Variants in YIPF4 observed in about 807,000 individuals in gnomAD.
The protein encoded by YIPF4 is protein YIPF4.
Under a neutral mutation model 29.4 loss-of-function variants are expected in YIPF4, and 18 were observed. That is an observed-to-expected ratio of 0.61 (90% CI 0.42 to 0.91). The LOEUF (loss-of-function observed/expected upper bound fraction) is 0.91. Ranked by LOEUF, YIPF4 falls within the 40% of genes least tolerant of loss-of-function variation. The probability of loss-of-function intolerance (pLI) is 0.00; values close to 1 mark genes in which losing one functional copy is unlikely to be tolerated. For synonymous variants in YIPF4, 115 were observed against 104.7 expected (o/e 1.10, Z -0.60); for missense variants, 279 against 282.7 (o/e 0.99, Z 0.09).
At chr2:32,298,021 T>C (rs2031260881) in intron 3 of YIPF4, among the ~76,000 whole-genome samples, 1 of 152,198 alleles carries the variant, frequency 6.6e-6, no homozygotes, top group African/African-American at 2.4e-5. Flanking sequence ...CTTTAGGCAA[T>C]TGATAATTGC....
At chr2:32,296,587 C>T (rs565697236) in intron 3 of YIPF4, among the ~76,000 whole-genome samples, 14 of 152,110 alleles carry the variant, frequency 9.2e-5, no homozygotes, top group Admixed American at 9.2e-4. Flanking sequence ...GCATTTTTGG[C>T]AAGAATATCA....
Position 32,310,716 on chromosome 2 carries a change from A to G in YIPF4, c.*5090A>G, listed in dbSNP as rs539987369. 6.6e-6 allele frequency: 1 copy of G among 152,076 alleles called. No individual in the cohort carries two copies. Among genetic ancestry groups the G allele is most frequent in the African/African-American group, 2.4e-5 (1 of 41,392 alleles). The allele number at this position is 152,076 out of a possible 1,614,324, so 9.4% of individuals were successfully genotyped here. ...CGACGTAGTGAGACCCCATCTCTAC[A>G]AAAGAAAAATTAGCTGGGCATGTGG... On this transcript the variant is annotated 3_prime_UTR_variant, in exon 6 of 6. Coordinates refer to ENST00000238831, the MANE Select transcript of YIPF4 (RefSeq NM_032312.4).
At chr2:32,289,396 A>G (rs989015951) in intron 1 of YIPF4, among the ~76,000 whole-genome samples, 5 of 152,350 alleles carry the variant, frequency 3.3e-5, no homozygotes, top group African/African-American at 1.2e-4. Context: ...TTTGTACTGT[A>G]TATGAAAAAT....
chr2:32,303,390 C>CA (rs1418249579), intron 5 of YIPF4, among the ~76,000 whole-genome samples: 1 of 152,134 alleles, frequency 6.6e-6, no homozygotes, highest in African/African-American at 2.4e-5. Context: ...ACAGAGTAGG[C>CA]ACTCAAGCTG....
intron 1 of YIPF4, among the ~76,000 whole-genome samples, chr2:32,280,662 G>T (rs1366740849): frequency 6.6e-6 from 1 of 152,012 alleles, no homozygotes; most frequent in Non-Finnish European, 1.5e-5. Flanking sequence ...GATTACAGGC[G>T]TGAGCCACCG....
At position 32,302,094 on chromosome 2, in the gene YIPF4, G is replaced by A. The variant is rs368739648; in HGVS notation, c.597+599G>A. On this transcript the variant is annotated intron_variant, in intron 5 of 5. Coordinates refer to ENST00000238831, the MANE Select transcript of YIPF4 (RefSeq NM_032312.4). The stretch of plus-strand genomic sequence containing the variant: ...CGCCCAGGCTGGAGTGCAGTGGCGT[G>A]ATCTCAGCTCACTGTAACCTCTGCC... Among the ~76,000 whole-genome samples the A allele has an allele frequency of 2.1e-4, 31 of 148,690 alleles. No homozygotes were observed. The East Asian group carries it at 6.2e-3, about 30-fold the overall frequency.
intron 3 of YIPF4, among the ~76,000 whole-genome samples, chr2:32,294,691 G>A (rs1387367659): frequency 3.3e-5 from 5 of 152,168 alleles, no homozygotes; most frequent in African/African-American, 7.2e-5. Flanking sequence ...CTGCATTCTC[G>A]GCACTTTGGG....
chr2:32,298,711 A>T (rs2031285720), intron 4 of YIPF4, among the ~76,000 whole-genome samples: 1 of 151,880 alleles, frequency 6.6e-6, no homozygotes, highest in Non-Finnish European at 1.5e-5. Context: ...GATATGTGCC[A>T]CTATGCCCGG....
chr2:32,291,511 T>A (rs1405765367), intron 2 of YIPF4, among the ~76,000 whole-genome samples: 1 of 152,252 alleles, frequency 6.6e-6, no homozygotes, highest in East Asian at 1.9e-4. Context: ...CCCACCGCAC[T>A]CCAGCCTGGG....
Position 32,278,044 on chromosome 2 carries a change from A to C in YIPF4, c.-112A>C, listed in dbSNP as rs1016749025. 46 of 899,296 alleles carry C rather than the reference A, an allele frequency of 5.1e-5. No homozygotes were observed. In the African/African-American group the frequency reaches 6.2e-4, roughly 12 times the overall value. 55.7% of individuals were successfully genotyped at this position (899,296 alleles called of 1,614,324 possible). ...GGCCTCGCTCGCAGCTTGCACGTCG[A>C]GACTCGTAGGCCGCACCGTAGGGCG... On this transcript the variant is annotated 5_prime_UTR_variant, in exon 1 of 6. Coordinates refer to ENST00000238831, the MANE Select transcript of YIPF4 (RefSeq NM_032312.4).
At chr2:32,283,232 T>C (rs2030511600) in intron 1 of YIPF4, among the ~76,000 whole-genome samples, 1 of 152,210 alleles carries the variant, frequency 6.6e-6, no homozygotes, top group Non-Finnish European at 1.5e-5. Context: ...TTTTTTTTAT[T>C]GTTTTCCAAC....
rs112641895 is a variant in YIPF4, at chr2:32,313,812, C to T, written c.*8186C>T. ...CTGCCTTCTGGGTTCAAGCGATTCT[C>T]CTGCCTCAGCCTCCCGAGTAGCTGG... On this transcript the variant is annotated 3_prime_UTR_variant, in exon 6 of 6. Transcript: ENST00000238831. The T allele has an allele frequency of 0.038, 5,775 of 152,350 alleles. 238 individuals are homozygous for T. The highest frequency in any genetic ancestry group is 0.1 in the African/African-American group (4,312 of 41,506). The allele number at this position is 152,350 out of a possible 1,614,324, so 9.4% of individuals were successfully genotyped here.
intron 2 of YIPF4, among the ~76,000 whole-genome samples, chr2:32,291,714 C>T (rs1160533871): frequency 1.3e-5 from 2 of 152,146 alleles, no homozygotes; most frequent in East Asian, 1.9e-4. Flanking sequence ...TAACCCACAA[C>T]ACAAAGACAG....
At chr2:32,303,744 A>G (rs934247135) in intron 5 of YIPF4, among the ~76,000 whole-genome samples, 2 of 152,240 alleles carry the variant, frequency 1.3e-5, no homozygotes, top group African/African-American at 2.4e-5. Context: ...TTCAGAGACT[A>G]AAGATACCTT....
Position 32,305,672 on chromosome 2 carries a change from T to C in YIPF4, c.*46T>C. 7.1e-7 allele frequency: 1 copy of C among 1,412,646 alleles called. No individual in the cohort carries two copies. Among genetic ancestry groups the C allele is most frequent in the Non-Finnish European group, 9.3e-7 (1 of 1,078,824 alleles). 87.5% of individuals were successfully genotyped at this position (1,412,646 alleles called of 1,614,324 possible). A position where few individuals can be genotyped will look rare whatever the true frequency, so the allele number is the denominator to read the frequency against. ...AAAAAGATGGTGTTAAATTTGTGTGTAGGCTGGGAATTCTTGCTGAAGGAA... is the reference window on the plus strand; with the variant it reads ...AAAAAGATGGTGTTAAATTTGTGTGCAGGCTGGGAATTCTTGCTGAAGGAA... On this transcript the variant is annotated 3_prime_UTR_variant, in exon 6 of 6. Coordinates refer to ENST00000238831, the MANE Select transcript of YIPF4 (RefSeq NM_032312.4).
chr2:32,286,468 G>A (rs1466570283), intron 1 of YIPF4, among the ~76,000 whole-genome samples: 1 of 151,970 alleles, frequency 6.6e-6, no homozygotes, highest in Non-Finnish European at 1.5e-5. Flanking sequence ...ATATTTGATA[G>A]AAAAACTACT....
chr2:32,284,048 T>G (rs2030547892), intron 1 of YIPF4, among the ~76,000 whole-genome samples: 1 of 152,040 alleles, frequency 6.6e-6, no homozygotes, highest in Admixed American at 6.6e-5. Flanking sequence ...AATTTAAGCT[T>G]TATGGTATTG....
chr2:32,306,394 A>G lies in YIPF4; in HGVS notation c.*768A>G, dbSNP rs188383126. 3,119 of 985,270 alleles carry G rather than the reference A, an allele frequency of 3.2e-3. 6 individuals carry two copies. Among genetic ancestry groups the G allele is most frequent in the Non-Finnish European group, 3.5e-3 (2,929 of 829,404 alleles). 61.0% of individuals were successfully genotyped at this position (985,270 alleles called of 1,614,324 possible). A position where few individuals can be genotyped will look rare whatever the true frequency, so the allele number is the denominator to read the frequency against. On this transcript the variant is annotated 3_prime_UTR_variant, in exon 6 of 6. Coordinates refer to ENST00000238831, the MANE Select transcript of YIPF4 (RefSeq NM_032312.4). ...TCTGACCAAAGGAGCAAGAGGTATAATGGATATGGCATTCATTAAAATCTT... is the reference window on the plus strand; with the variant it reads ...TCTGACCAAAGGAGCAAGAGGTATAGTGGATATGGCATTCATTAAAATCTT...
intron 1 of YIPF4, among the ~76,000 whole-genome samples, chr2:32,281,894 C>CAAA (rs58882814): frequency 7.5e-5 from 4 of 53,398 alleles, no homozygotes; most frequent in Non-Finnish European, 1.4e-4. Flanking sequence ...GACTCTGTCT[C>CAAA]AAAAAAAAAA....
Sources: allele counts gnomAD v4.1 joint callset (sites outside exome capture counted in the v4.1 genomes callset), GRCh38; gene constraint gnomAD v4.1.1; transcripts MANE v1.5; gene names NCBI Gene and HGNC (gene_info 2026-07-23, HGNC 2026-07-21).